Variants in CASK observed in about 807,000 individuals in gnomAD.
The protein encoded by CASK is peripheral plasma membrane protein CASK.
In CASK, 4 loss-of-function variants were observed where a neutral mutation model predicts 82.9. The observed-to-expected ratio is 0.05, with a 90% confidence interval of 0.02 to 0.11. The LOEUF is 0.11. Among genes scored for constraint, CASK ranks in the 10% least tolerant of loss-of-function variants. The probability of loss-of-function intolerance (pLI) is 1.00; values close to 1 mark genes in which losing one functional copy is unlikely to be tolerated. For missense variants in CASK, 358 were observed against 720.9 expected, an observed-to-expected ratio of 0.50 and a Z score of 5.76; for synonymous variants, 259 against 253.5, an observed-to-expected ratio of 1.02 and a Z score of -0.20.
intron 13 of CASK, 56 bp from the exon 14 acceptor site, chrX:41,587,043 G>T: frequency 1.4e-6 from 1 of 704,596 alleles, no homozygotes; most frequent in Non-Finnish European, 2.2e-6. Context: ...TTTACAAAAT[G>T]TTAAATTCTT....
chrX:41,641,749 GT>G (rs779917785), intron 8 of CASK, among the ~76,000 whole-genome samples: 3 of 109,159 alleles, frequency 2.7e-5, no homozygotes, highest in Non-Finnish European at 5.7e-5. Context: ...TCATGTTATA[GT>G]TTTTTTTATT....
At chrX:41,804,070 A>G (rs2070060021) in intron 2 of CASK, among the ~76,000 whole-genome samples, 1 of 111,800 alleles carries the variant, frequency 8.9e-6, no homozygotes, top group Admixed American at 9.5e-5. Context: ...ATAATTGGCC[A>G]GGCGCGGTGA....
intron 2 of CASK, among the ~76,000 whole-genome samples, chrX:41,843,792 G>C (rs1299877012): frequency 9.0e-6 from 1 of 111,046 alleles, no homozygotes; most frequent in Non-Finnish European, 1.9e-5. Flanking sequence ...GTAATCTCGT[G>C]TGACTTGCTT....
At chrX:41,733,451 AATAATAAAG>A (rs1246824781) in intron 5 of CASK, among the ~76,000 whole-genome samples, 1 of 111,693 alleles carries the variant, frequency 9.0e-6, no homozygotes, top group African/African-American at 3.3e-5. Flanking sequence ...ATGTTAATAT[AATAATAAAG>A]AATAGTGGCT....
At chrX:41,841,760 G>A (rs1025496908) in intron 2 of CASK, among the ~76,000 whole-genome samples, 15 of 111,775 alleles carry the variant, frequency 1.3e-4, no homozygotes, top group African/African-American at 4.2e-4. Context: ...GACCTCAAGT[G>A]ATCTGCATGC....
At chrX:41,616,979 T>C (rs1167686310) in intron 11 of CASK, among the ~76,000 whole-genome samples, 1 of 112,510 alleles carries the variant, frequency 8.9e-6, no homozygotes, top group African/African-American at 3.2e-5. Flanking sequence ...ATCAGAGATA[T>C]GATCACCGGC....
chrX:41,568,761 G>A (rs1458495072), intron 16 of CASK, among the ~76,000 whole-genome samples: 1 of 111,862 alleles, frequency 8.9e-6, no homozygotes, highest in Non-Finnish European at 1.9e-5. Context: ...AGCACTTTGG[G>A]AGGAGGCAGG....
rs777251787 is a variant in CASK, at chrX:41,923,009, C to T, written c.-21G>A. The T allele has an allele frequency of 1.7e-6, 2 of 1,203,618 alleles. No homozygotes were observed. Among genetic ancestry groups the T allele is most frequent in the Non-Finnish European group, 1.1e-6 (1 of 889,728 alleles). On this transcript the variant is annotated 5_prime_UTR_variant, in exon 1 of 27. Coordinates refer to ENST00000378163, the MANE Select transcript of CASK (RefSeq NM_001367721.1). ...GCCATGGTCCGGAGGGGATAGCGGC[C>T]GCAGCGTGGAGGGCTTCGAAAACGG...
intron 21 of CASK, among the ~76,000 whole-genome samples, chrX:41,551,554 T>C (rs1401553144): frequency 9.0e-6 from 1 of 111,006 alleles, no homozygotes; most frequent in Non-Finnish European, 1.9e-5. Flanking sequence ...GGCCACTTGG[T>C]AACTCTGATA....
At chrX:41,833,764 T>A (rs759216013) in intron 2 of CASK, among the ~76,000 whole-genome samples, 1 of 111,910 alleles carries the variant, frequency 8.9e-6, no homozygotes, top group Non-Finnish European at 1.9e-5. Flanking sequence ...TATGCTTTTT[T>A]TTGAGGCAGG....
intron 5 of CASK, among the ~76,000 whole-genome samples, chrX:41,714,708 AC>A (rs1423669495): frequency 9.0e-6 from 1 of 111,662 alleles, no homozygotes; most frequent in African/African-American, 3.3e-5. Flanking sequence ...GGTATTTACT[AC>A]CTTGCTATGG....
intron 5 of CASK, among the ~76,000 whole-genome samples, chrX:41,712,768 G>A (rs1234982599): frequency 1.8e-5 from 2 of 112,295 alleles, no homozygotes; most frequent in Admixed American, 9.4e-5. Flanking sequence ...CATCACTATC[G>A]TGAACCTAAG....
chrX:41,710,045 C>T (rs755275775), intron 5 of CASK, among the ~76,000 whole-genome samples: 23 of 105,634 alleles, frequency 2.2e-4, no homozygotes, highest in Middle Eastern at 4.8e-3. Flanking sequence ...CTAAATCTCA[C>T]TGCAATCCAA....
intron 14 of CASK, among the ~76,000 whole-genome samples, chrX:41,582,302 CT>C (rs1276402276): frequency 8.9e-6 from 1 of 111,860 alleles, no homozygotes; most frequent in Admixed American, 9.5e-5. Context: ...GCCTGGAAGG[CT>C]TTTATTTATT....
chrX:41,845,665 A>G (rs1345902903), intron 2 of CASK, among the ~76,000 whole-genome samples: 1 of 111,378 alleles, frequency 9.0e-6, no homozygotes, highest in African/African-American at 3.3e-5. Flanking sequence ...TTTTTCATCC[A>G]TGTTGCCAAT....
In CASK at chrX:41,830,717, G is replaced by A. The variant is rs764375545; in HGVS notation, c.172+22398C>T. Among the ~76,000 whole-genome samples the A allele has an allele frequency of 1.5e-3, 159 of 107,105 alleles. 1 individual carries two copies. Among genetic ancestry groups the A allele is most frequent in the African/African-American group, 4.7e-3 (137 of 29,325 alleles). 93.0% of individuals were successfully genotyped at this position (107,105 alleles called of 115,157 possible). A position where few individuals can be genotyped will look rare whatever the true frequency, so the allele number is the denominator to read the frequency against. ...TGCCTGTAGTCCCAGCTACTCAGGA[G>A]GCTGAGGCAGGAGTATGGCGTGAAC... On this transcript the variant is annotated intron_variant, in intron 2 of 26. Transcript: ENST00000378163.
intron 21 of CASK, among the ~76,000 whole-genome samples, chrX:41,545,176 C>G (rs1174001568): frequency 9.0e-6 from 1 of 110,855 alleles, no homozygotes; most frequent in Non-Finnish European, 1.9e-5. Flanking sequence ...CAGGTGTGTG[C>G]CACCATGCCT....
At chrX:41,612,660 G>C (rs2066100454) in intron 11 of CASK, among the ~76,000 whole-genome samples, 1 of 91,598 alleles carries the variant, frequency 1.1e-5, no homozygotes, top group Non-Finnish European at 2.2e-5. Context: ...AGGTGGGGGG[G>C]TCAGACCCCC....
At position 41,806,968 on chromosome X, in the gene CASK, G is replaced by T. The variant is rs191194517; in HGVS notation, c.173-19685C>A. 1.7e-4 allele frequency among the ~76,000 whole-genome samples: 19 copies of T among 111,393 alleles called. No individual in the cohort carries two copies. The Admixed American group carries it at 1.8e-3, about 11-fold the overall frequency. ...AGTTTGCCTTTGGAACCACGTAAAT[G>T]TTTTACATGATTATAAAAAATTAAA... On this transcript the variant is annotated intron_variant, in intron 2 of 26. Transcript: ENST00000378163.
Sources: allele counts gnomAD v4.1 joint callset (sites outside exome capture counted in the v4.1 genomes callset), GRCh38; gene constraint gnomAD v4.1.1; transcripts MANE v1.5; gene names NCBI Gene and HGNC (gene_info 2026-07-23, HGNC 2026-07-21).